Variants in OPRD1 observed in about 807,000 individuals in gnomAD.
OPRD1 encodes the protein opioid receptor delta 1.
OPRD1 carries 19 observed loss-of-function variants against 17.5 expected under a neutral mutation model. That is an observed-to-expected ratio of 1.09 (90% CI 0.76 to 1.60). OPRD1 has a LOEUF of 1.60. Ranked by LOEUF, OPRD1 falls within the 40% of genes most tolerant of loss-of-function variation. The pLI, the probability that OPRD1 is intolerant of heterozygous loss-of-function variation, is 0.00. For missense variants in OPRD1, 483 were observed against 547.2 expected (o/e 0.88, Z 1.17); for synonymous variants, 256 against 240.9 (o/e 1.06, Z -0.58).
chr1:28,831,230 G>A lies in OPRD1; in HGVS notation c.227+18620G>A, dbSNP rs535743029. Among the ~76,000 whole-genome samples, 400 of 152,280 alleles carry A rather than the reference G, an allele frequency of 2.6e-3. 1 individual carries two copies. Among genetic ancestry groups the A allele is most frequent in the Non-Finnish European group, 3.8e-3 (260 of 68,024 alleles). On this transcript the variant is annotated intron_variant, in intron 1 of 2. Transcript: ENST00000234961. ...TGTTGTCCCATATAAGAGAGGGCTC[G>A]GCCTGGTGTGGTGGCTCACACCTGT...
intron 1 of OPRD1, among the ~76,000 whole-genome samples, chr1:28,850,195 T>C (rs2088988338): frequency 6.8e-6 from 1 of 146,366 alleles, no homozygotes; most frequent in Non-Finnish European, 1.5e-5. Context: ...TCAAACTTTT[T>C]AAAAAGACAG....
Position 28,834,769 on chromosome 1 carries a change from G to A in OPRD1, c.227+22159G>A, listed in dbSNP as rs184115516. 6.6e-5 allele frequency among the ~76,000 whole-genome samples: 10 copies of A among 152,236 alleles called. No individual in the cohort carries two copies. In the East Asian group the frequency reaches 1.5e-3, roughly 23 times the overall value. On this transcript the variant is annotated intron_variant, in intron 1 of 2. Coordinates refer to ENST00000234961, the MANE Select transcript of OPRD1 (RefSeq NM_000911.4). ...TCTATAATAAAAATCACCCAACTACGAGACAAGAGGGCAGTAAGATGTGCA... is the reference window on the plus strand; with the variant it reads ...TCTATAATAAAAATCACCCAACTACAAGACAAGAGGGCAGTAAGATGTGCA...
At position 28,862,795 on chromosome 1, in the gene OPRD1, A is replaced by G; in HGVS notation, c.631A>G (p.Thr211Ala). The G allele has an allele frequency of 6.2e-7, 1 of 1,613,590 alleles. No homozygotes were observed. The change falls in exon 3 of 3, where the codon ACG (threonine) becomes GCG (alanine). Residue 211 changes from threonine (T) to alanine (A), a missense_variant. Physicochemically the swap from Thr to Ala is moderately conservative, Grantham distance 58. Transcript: ENST00000234961. The part of the protein sequence containing the change: ...QFPSPSWYWD[T>A]VTKICVFLFA... ...CCCCAGCCCCAGCTGGTACTGGGAC[A>G]CGGTGACCAAGATCTGCGTGTTCCT...
intron 1 of OPRD1, among the ~76,000 whole-genome samples, chr1:28,819,553 G>C (rs1197000314): frequency 6.6e-6 from 1 of 152,216 alleles, no homozygotes; most frequent in Non-Finnish European, 1.5e-5. Flanking sequence ...TCTGGATCCA[G>C]AGGCCATATT....
chr1:28,820,367 G>C (rs900018286), intron 1 of OPRD1, among the ~76,000 whole-genome samples: 1 of 151,612 alleles, frequency 6.6e-6, no homozygotes, highest in African/African-American at 2.4e-5. Context: ...GCTAATTTTT[G>C]TATTTTTAGT....
intron 1 of OPRD1, among the ~76,000 whole-genome samples, chr1:28,858,550 T>C (rs1252025029): frequency 2.7e-5 from 4 of 150,882 alleles, no homozygotes; most frequent in African/African-American, 9.8e-5. Flanking sequence ...AACCCTTTTT[T>C]TTTTTTTTTT....
chr1:28,829,614 C>T (rs953475846), intron 1 of OPRD1, among the ~76,000 whole-genome samples: 1 of 152,130 alleles, frequency 6.6e-6, no homozygotes, highest in African/African-American at 2.4e-5. Context: ...GGTGATCCAC[C>T]CACCTCGGCC....
chr1:28,812,410 C>G lies in OPRD1; in HGVS notation c.27C>G (p.Ala9=). The G allele has an allele frequency of 3.4e-6, 5 of 1,457,754 alleles. No individual in the cohort carries two copies. The highest frequency in any genetic ancestry group is 3.6e-6 in the Non-Finnish European group (4 of 1,111,620). The allele number at this position is 1,457,754 out of a possible 1,614,324, so 90.3% of individuals were successfully genotyped here. A position where few individuals can be genotyped will look rare whatever the true frequency, so the allele number is the denominator to read the frequency against. The part of the protein sequence containing the change: MEPAPSAG[A]ELQPPLFANA... ...TGGAACCGGCCCCCTCCGCCGGCGC[C>G]GAGCTGCAGCCCCCGCTCTTCGCCA... Residue 9 remains alanine (A), a synonymous_variant, in exon 1 of 3, where the codon GCC becomes GCG. Coordinates refer to ENST00000234961, the MANE Select transcript of OPRD1 (RefSeq NM_000911.4).
chr1:28,858,357 G>A (rs537178938), intron 1 of OPRD1, among the ~76,000 whole-genome samples: 1 of 150,662 alleles, frequency 6.6e-6, no homozygotes, highest in African/African-American at 2.4e-5. Flanking sequence ...CTCGTGATCC[G>A]CCCGCCTCGG....
At chr1:28,855,939 G>C (rs1569650079) in intron 1 of OPRD1, among the ~76,000 whole-genome samples, 1 of 152,330 alleles carries the variant, frequency 6.6e-6, no homozygotes, top group African/African-American at 2.4e-5. Context: ...CTGCCCTGGA[G>C]GACAATGAGT....
chr1:28,824,208 A>G (rs1181809315), intron 1 of OPRD1, among the ~76,000 whole-genome samples: 2 of 150,596 alleles, frequency 1.3e-5, no homozygotes, highest in African/African-American at 4.9e-5. Flanking sequence ...GCCCCATTCA[A>G]AGAACACCAC....
intron 1 of OPRD1, among the ~76,000 whole-genome samples, chr1:28,833,754 T>C (rs1039670270): frequency 6.6e-5 from 10 of 152,182 alleles, no homozygotes; most frequent in Admixed American, 3.9e-4. Flanking sequence ...CTGTGTTTCG[T>C]TGGGCAAGTT....
At chr1:28,820,018 C>A (rs540294367) in intron 1 of OPRD1, among the ~76,000 whole-genome samples, 1 of 152,040 alleles carries the variant, frequency 6.6e-6, no homozygotes, top group South Asian at 2.1e-4. Context: ...AGTGATAGAC[C>A]CTCACAGAGT....
At chr1:28,838,001 C>T (rs192219299) in intron 1 of OPRD1, among the ~76,000 whole-genome samples, 33 of 151,734 alleles carry the variant, frequency 2.2e-4, no homozygotes. Flanking sequence ...GGCTTACTTT[C>T]CTCCTCTGTA....
intron 1 of OPRD1, among the ~76,000 whole-genome samples, chr1:28,850,309 G>T (rs539645502): frequency 2.0e-5 from 3 of 151,896 alleles, no homozygotes; most frequent in Admixed American, 2.0e-4. Flanking sequence ...GGCAACATAG[G>T]GAGACTGCAT....
chr1:28,850,401 G>A (rs1216473026), intron 1 of OPRD1, among the ~76,000 whole-genome samples: 1 of 151,900 alleles, frequency 6.6e-6, no homozygotes, highest in Non-Finnish European at 1.5e-5. Context: ...TCAGCCCACC[G>A]CAACCTCCAC....
intron 1 of OPRD1, among the ~76,000 whole-genome samples, chr1:28,858,614 C>T (rs867386525): frequency 1.3e-5 from 2 of 149,358 alleles, no homozygotes; most frequent in East Asian, 3.9e-4. Flanking sequence ...GGCGCAATCT[C>T]GGCTCACTGC....
chr1:28,814,411 A>T (rs981920452), intron 1 of OPRD1, among the ~76,000 whole-genome samples: 44 of 152,132 alleles, frequency 2.9e-4, no homozygotes, highest in African/African-American at 9.7e-4. Flanking sequence ...AGCGAGGCGG[A>T]GGGATTTTCT....
In OPRD1 at chr1:28,860,203, A is replaced by G. The variant is rs533726014; in HGVS notation, c.577+900A>G. On this transcript the variant is annotated intron_variant, in intron 2 of 2. Transcript: ENST00000234961. ...AACACGGTGAAACCCTATCTTTACTAAAAGTACAAAAATTAGCCAGGCGTG... is the reference window on the plus strand; with the variant it reads ...AACACGGTGAAACCCTATCTTTACTGAAAGTACAAAAATTAGCCAGGCGTG... 2.0e-5 allele frequency among the ~76,000 whole-genome samples: 3 copies of G among 152,226 alleles called. No individual in the cohort carries two copies. The South Asian group carries it at 6.2e-4, about 32-fold the overall frequency.
Sources: allele counts gnomAD v4.1 joint callset (sites outside exome capture counted in the v4.1 genomes callset), GRCh38; gene constraint gnomAD v4.1.1; transcripts MANE v1.5; gene names NCBI Gene and HGNC (gene_info 2026-07-23, HGNC 2026-07-21).